The following AHRR variants were observed in gnomAD, a reference collection of about 807,000 sequenced individuals.
AHRR encodes aryl hydrocarbon receptor repressor.
In AHRR, 28 loss-of-function variants were observed where a neutral mutation model predicts 44.0. The observed-to-expected ratio is 0.64, with a 90% CI of 0.47 to 0.87. AHRR has a LOEUF of 0.87. AHRR is among the 40% of genes least tolerant of loss of function. AHRR has a pLI of 0.00. For synonymous variants in AHRR, 434 were observed against 407.0 expected (o/e 1.07, Z -0.80); for missense variants, 990 against 953.9 (o/e 1.04, Z -0.50).
intron 4 of AHRR, among the ~76,000 whole-genome samples, chr5:401,203 A>G (rs1735001718): frequency 1.3e-5 from 2 of 152,152 alleles, no homozygotes; most frequent in African/African-American, 4.8e-5. Context: ...CTCTGCCTAA[A>G]TCCAAGGGGA....
chr5:402,293 C>T (rs571860032), intron 4 of AHRR, among the ~76,000 whole-genome samples: 31 of 151,856 alleles, frequency 2.0e-4, no homozygotes, highest in Admixed American at 1.0e-3. Context: ...GGAAGGCAGT[C>T]GTTGATGAGG....
chr5:402,148 C>A (rs150720328), intron 4 of AHRR, among the ~76,000 whole-genome samples: 4 of 152,206 alleles, frequency 2.6e-5, no homozygotes, highest in African/African-American at 7.2e-5. Flanking sequence ...ACCTGATAGA[C>A]GCTTCTCCAA....
chr5:423,822 T>G lies in AHRR; in HGVS notation c.572-19T>G. 1 of 1,582,584 alleles carries G rather than the reference T, an allele frequency of 6.3e-7. No individual in the cohort carries two copies. Among genetic ancestry groups the G allele is most frequent in the Non-Finnish European group, 8.6e-7 (1 of 1,165,972 alleles). The stretch of plus-strand genomic sequence containing the variant: ...TGGCTTCTCCCACCGCCACGCCCCT[T>G]GGCCCCTATGGTCTGCAGGAGATGA... On this transcript the variant is annotated intron_variant, in intron 6 of 10. Coordinates refer to ENST00000684583, the MANE Select transcript of AHRR (RefSeq NM_001377236.1).
intron 1 of AHRR, among the ~76,000 whole-genome samples, chr5:329,437 C>G (rs967172993): frequency 3.3e-5 from 5 of 152,212 alleles, no homozygotes; most frequent in African/African-American, 1.2e-4. Flanking sequence ...AACTCCTGGC[C>G]TCAAGCAGTC....
Position 370,661 on chromosome 5 carries a change from A to C in AHRR, c.245-5949A>C, listed in dbSNP as rs1743545202. 6.7e-6 allele frequency among the ~76,000 whole-genome samples: 1 copy of C among 149,024 alleles called. No individual in the cohort carries two copies. Among genetic ancestry groups the C allele is most frequent in the Non-Finnish European group, 1.5e-5 (1 of 67,242 alleles). Reference sequence around the variant, plus strand: ...GGGAAGGTGTGGGTGATGGGGGGACAGTCCATGGGAAGGCACAGGTGATGG... The same window carrying C: ...GGGAAGGTGTGGGTGATGGGGGGACCGTCCATGGGAAGGCACAGGTGATGG... On this transcript the variant is annotated intron_variant, in intron 3 of 10. Transcript: ENST00000684583. This position sits in a 1 kb window ranked among gnomAD's most constrained non-coding sequence, Gnocchi z 4.5.
chr5:389,472 A>G (rs6555225), intron 4 of AHRR, among the ~76,000 whole-genome samples: 50,071 of 151,944 alleles, frequency 0.33, 12,246 homozygotes, highest in African/African-American at 0.69. Context: ...GCGTAGCCGG[A>G]AATCCCAATG....
Position 433,915 on chromosome 5 carries a change from A to C in AHRR, c.1175A>C (p.Glu392Ala), listed in dbSNP as rs1736859243. Residue 392 changes from glutamate (E) to alanine (A), a missense_variant, in exon 11 of 11, where the codon GAG becomes GCG. Glu to Ala is a moderately radical substitution (Grantham distance 107). Transcript: ENST00000684583. ...SRASGVTGRRETPGPTKPLPW... is the reference protein window; with the variant it reads ...SRASGVTGRRATPGPTKPLPW... Reference sequence around the variant, plus strand: ...GCCTCTGGAGTGACAGGGCGGAGGGAGACTCCAGGACCCACAAAGCCCCTG... The same window carrying C: ...GCCTCTGGAGTGACAGGGCGGAGGGCGACTCCAGGACCCACAAAGCCCCTG... 1.3e-6 allele frequency: 2 copies of C among 1,524,610 alleles called. No individual in the cohort carries two copies. Among genetic ancestry groups the C allele is most frequent in the Non-Finnish European group, 1.8e-6 (2 of 1,136,946 alleles). The allele number at this position is 1,524,610 out of a possible 1,614,324, so 94.4% of individuals were successfully genotyped here.
intron 4 of AHRR, among the ~76,000 whole-genome samples, chr5:397,361 C>T (rs1436739722): frequency 7.2e-6 from 1 of 139,746 alleles, no homozygotes; most frequent in African/African-American, 2.5e-5. Flanking sequence ...CATGTTAGCC[C>T]CTGACCATCC....
intron 5 of AHRR, among the ~76,000 whole-genome samples, chr5:415,984 T>A (rs762855060): frequency 6.6e-6 from 1 of 152,194 alleles, no homozygotes; most frequent in Non-Finnish European, 1.5e-5. Flanking sequence ...CCAGTCTCCC[T>A]GTGAACTGCA....
At chr5:361,079 T>A (rs538815653) in intron 3 of AHRR, among the ~76,000 whole-genome samples, 1 of 152,098 alleles carries the variant, frequency 6.6e-6, no homozygotes, top group South Asian at 2.1e-4. Flanking sequence ...TGAAACCCCA[T>A]CTCTACTAAA....
chr5:427,637 G>C, intron 7 of AHRR, 170 bp from the exon 8 acceptor site: 1 of 1,613,344 alleles, frequency 6.2e-7, no homozygotes, highest in Non-Finnish European at 8.5e-7. Flanking sequence ...CACTCTGCAG[G>C]CCCGGGGGTC....
chr5:434,511 G>T lies in AHRR; in HGVS notation c.1771G>T (p.Val591Leu), dbSNP rs1208985812. Residue 591 changes from valine (V) to leucine (L), a missense_variant, in exon 11 of 11, where the codon GTG becomes TTG. Physicochemically the swap from Val to Leu is conservative, Grantham distance 32. Coordinates refer to ENST00000684583, the MANE Select transcript of AHRR (RefSeq NM_001377236.1). ...QVYISHLGHG[V>L]RGAQPHGRAT... Reference sequence around the variant, plus strand: ...GTACATCTCGCACCTGGGGCACGGCGTGCGGGGGGCTCAGCCCCATGGGAG... The same window carrying T: ...GTACATCTCGCACCTGGGGCACGGCTTGCGGGGGGCTCAGCCCCATGGGAG... 2 of 1,612,550 alleles carry T rather than the reference G, an allele frequency of 1.2e-6. No individual in the cohort carries two copies. The highest frequency in any genetic ancestry group is 1.1e-5 in the South Asian group (1 of 90,960).
intron 7 of AHRR, chr5:427,604 A>AAG (rs2126541480): frequency 1.2e-6 from 2 of 1,611,626 alleles, no homozygotes; most frequent in Non-Finnish European, 1.7e-6. Context: ...GGATGGTTTC[A>AAG]GGATGATTCA....
chr5:345,549 G>GAT (rs1407485473), intron 2 of AHRR, among the ~76,000 whole-genome samples: 1 of 127,698 alleles, frequency 7.8e-6, no homozygotes, highest in Non-Finnish European at 1.7e-5. Flanking sequence ...TGTGTGTGGG[G>GAT]ATGTGTGTGT....
rs1392734304 is a variant in AHRR at position 342,490 on chromosome 5, CG to C, written c.-10-1402del. On this transcript the variant is annotated intron_variant, in intron 1 of 10. Transcript: ENST00000684583. This position sits in a 1 kb window ranked among gnomAD's most constrained non-coding sequence, Gnocchi z 4.3. ...TCATACAGCTGCTTCATTTGATTAA[CG>C]TTTGCATGTTGTATCTTTTTCTATC... 4.6e-5 allele frequency among the ~76,000 whole-genome samples: 7 copies of C among 152,286 alleles called. No individual in the cohort carries two copies. Among genetic ancestry groups the C allele is most frequent in the Non-Finnish European group, 8.8e-5 (6 of 68,030 alleles).
At chr5:408,490 G>A (rs2126505682) in intron 4 of AHRR, among the ~76,000 whole-genome samples, 1 of 152,010 alleles carries the variant, frequency 6.6e-6, no homozygotes, top group East Asian at 1.9e-4. Context: ...TTTATGTTAA[G>A]GGACTTCCTA....
intron 4 of AHRR, among the ~76,000 whole-genome samples, chr5:385,618 C>T (rs1734147823): frequency 6.6e-6 from 1 of 152,150 alleles, no homozygotes; most frequent in Non-Finnish European, 1.5e-5. Context: ...AATTATTGTT[C>T]CCTGTGTGTT....
chr5:368,774 C>T (rs1316945052), intron 3 of AHRR, among the ~76,000 whole-genome samples: 1 of 152,212 alleles, frequency 6.6e-6, no homozygotes, highest in Non-Finnish European at 1.5e-5. Context: ...TTCTCTTGAC[C>T]AGAGAAACGC....
chr5:371,055 C>T (rs1247479426), intron 3 of AHRR, among the ~76,000 whole-genome samples: 1 of 152,184 alleles, frequency 6.6e-6, no homozygotes, highest in African/African-American at 2.4e-5. Flanking sequence ...TCAGTCCAAG[C>T]CCAGAGGCCT....
Sources: gnomAD v4.1 joint callset for allele counts (sites outside exome capture counted in the v4.1 genomes callset) on GRCh38, gnomAD v4.1.1 for gene constraint, Gnocchi (gnomAD v3.1) non-coding constraint, MANE v1.5 for transcripts, NCBI Gene and HGNC (gene_info 2026-07-23, HGNC 2026-07-21) for gene names.